PTPRN2: variants seen among roughly 807,000 people sequenced by gnomAD.
The protein encoded by PTPRN2 is receptor-type tyrosine-protein phosphatase N2.
In PTPRN2, 74 loss-of-function variants were observed where a neutral mutation model predicts 118.8. That is an observed-to-expected ratio of 0.62 (90% CI 0.52 to 0.76). PTPRN2 has a LOEUF of 0.76. Ranked by LOEUF, PTPRN2 falls within the 30% of genes least tolerant of loss-of-function variation. PTPRN2 has a pLI of 0.00. For synonymous variants in PTPRN2, 641 were observed against 608.0 expected, an observed-to-expected ratio of 1.05 and a Z score of -0.80; for missense variants, 1,481 against 1,394.4, an observed-to-expected ratio of 1.06 and a Z score of -0.99.
At chr7:158,490,344 G>A (rs1821355567) in intron 1 of PTPRN2, among the ~76,000 whole-genome samples, 1 of 152,200 alleles carries the variant, frequency 6.6e-6, no homozygotes, top group South Asian at 2.1e-4. Flanking sequence ...AGACGAAGAC[G>A]GGCAGGAAAG....
intron 2 of PTPRN2, among the ~76,000 whole-genome samples, chr7:158,410,278 C>T (rs1206918103): frequency 6.6e-6 from 1 of 152,204 alleles, no homozygotes; most frequent in African/African-American, 2.4e-5. Context: ...CAACCTAACA[C>T]GACACTCAGG....
intron 8 of PTPRN2, 94 bp downstream of exon 8, chr7:158,136,561 A>AC (rs1232803050): frequency 4.7e-6 from 6 of 1,286,638 alleles, no homozygotes; most frequent in African/African-American, 3.0e-5. Context: ...TGGGAAAAAA[A>AC]CTTTTGTATT....
At chr7:157,555,069 C>A (rs1478479034) in intron 21 of PTPRN2, among the ~76,000 whole-genome samples, 1 of 149,496 alleles carries the variant, frequency 6.7e-6, no homozygotes, top group Non-Finnish European at 1.5e-5. Context: ...GGAAGACCCA[C>A]CTCTCTCGTG....
intron 14 of PTPRN2, among the ~76,000 whole-genome samples, chr7:157,652,299 T>C (rs1638024): frequency 0.38 from 57,829 of 152,016 alleles, 11,554 homozygotes; most frequent in Middle Eastern, 0.48. Context: ...ACAGGTGAGG[T>C]CTCAGGATGG....
chr7:157,672,294 C>T (rs543809833), intron 13 of PTPRN2, among the ~76,000 whole-genome samples: 5 of 152,248 alleles, frequency 3.3e-5, no homozygotes, highest in South Asian at 4.1e-4. Context: ...TAGACTTTCC[C>T]CTTCACATTT....
chr7:157,870,566 A>C (rs1195666669), intron 12 of PTPRN2, among the ~76,000 whole-genome samples: 1 of 152,232 alleles, frequency 6.6e-6, no homozygotes, highest in Non-Finnish European at 1.5e-5. Flanking sequence ...TCCTAGCCTT[A>C]AACTAGATCC....
At chr7:158,084,335 G>A (rs1447825848) in intron 10 of PTPRN2, among the ~76,000 whole-genome samples, 1 of 150,616 alleles carries the variant, frequency 6.6e-6, no homozygotes, top group African/African-American at 2.4e-5. Context: ...TGAGTGCTGT[G>A]TGGTCCAGGT....
rs1300194345 is a variant in PTPRN2, at chr7:157,990,180, G to A, written c.1723+91118C>T. On this transcript the variant is annotated intron_variant, in intron 11 of 22. Coordinates refer to ENST00000389418, the MANE Select transcript of PTPRN2 (RefSeq NM_002847.5). This position sits in a 1 kb window ranked among gnomAD's most constrained non-coding sequence, Gnocchi z 4.3. ...GGGACACGAGTTAATGTGAGTGCGA[G>A]CCCAGGGCAGAGCGGGCCCAGATAA... is the stretch of plus-strand genomic sequence containing the variant. Among the ~76,000 whole-genome samples, 1 of 151,930 alleles carries A rather than the reference G, an allele frequency of 6.6e-6. No individual in the cohort carries two copies. Among genetic ancestry groups the A allele is most frequent in the Non-Finnish European group, 1.5e-5 (1 of 68,014 alleles).
At chr7:158,420,018 C>T (rs956758274) in intron 2 of PTPRN2, among the ~76,000 whole-genome samples, 4 of 152,162 alleles carry the variant, frequency 2.6e-5, no homozygotes, top group African/African-American at 9.7e-5. Flanking sequence ...GCCACTGTTA[C>T]AATCTTGTGC....
At chr7:158,181,349 G>A (rs957622275) in intron 5 of PTPRN2, among the ~76,000 whole-genome samples, 3 of 152,086 alleles carry the variant, frequency 2.0e-5, no homozygotes, top group Non-Finnish European at 4.4e-5. Context: ...CTAGTATTTC[G>A]TAGAGGGTTT....
chr7:158,028,428 G>A (rs577733174), intron 11 of PTPRN2: 23 of 152,506 alleles, frequency 1.5e-4, no homozygotes, highest in Admixed American at 1.4e-3. Context: ...TTTCCCTCCT[G>A]AATCTAGGAC....
At chr7:157,608,933 G>A (rs1033997130) in intron 15 of PTPRN2, among the ~76,000 whole-genome samples, 1 of 152,200 alleles carries the variant, frequency 6.6e-6, no homozygotes, top group Admixed American at 6.5e-5. Flanking sequence ...CGTAGTCTGA[G>A]AATTTACTGA....
chr7:158,494,072 A>G (rs1821651375), intron 1 of PTPRN2, among the ~76,000 whole-genome samples: 1 of 152,252 alleles, frequency 6.6e-6, no homozygotes, highest in South Asian at 2.1e-4. Context: ...GCAAGGAGTC[A>G]GGCTGGATCT....
rs76381878 is a variant in PTPRN2 at position 158,079,084 on chromosome 7, C to T, written c.1723+2214G>A. ...TCTTGAACTCCCAACCTCAAGTGAC[C>T]CGCCCACCTTGGCCTCCTAAAATGC... On this transcript the variant is annotated intron_variant, in intron 11 of 22. Transcript: ENST00000389418. 3.8e-3 allele frequency among the ~76,000 whole-genome samples: 576 copies of T among 152,248 alleles called. 9 individuals carry two copies. In the East Asian group the frequency reaches 0.039, roughly 10 times the overall value.
At chr7:157,731,258 T>G (rs1799882923) in intron 12 of PTPRN2, among the ~76,000 whole-genome samples, 1 of 152,154 alleles carries the variant, frequency 6.6e-6, no homozygotes, top group African/African-American at 2.4e-5. Context: ...GTAATCGAGG[T>G]GCCTTCCTGA....
chr7:158,405,607 A>G (rs1563252049), intron 2 of PTPRN2, among the ~76,000 whole-genome samples: 1 of 152,268 alleles, frequency 6.6e-6, no homozygotes, highest in Non-Finnish European at 1.5e-5. Context: ...CGATTTATCC[A>G]GTTATGTGGT....
intron 17 of PTPRN2, among the ~76,000 whole-genome samples, chr7:157,579,094 T>C (rs1189623072): frequency 1.3e-5 from 2 of 152,242 alleles, no homozygotes; most frequent in Admixed American, 1.3e-4. Flanking sequence ...ATCCCAAATA[T>C]AAAATGCTGT....
chr7:158,149,787 G>C (rs1208760393), intron 6 of PTPRN2, among the ~76,000 whole-genome samples: 7 of 143,582 alleles, frequency 4.9e-5, no homozygotes, highest in Non-Finnish European at 1.1e-4. Context: ...CTGAGTGACA[G>C]AGCAAGAGTC....
At chr7:157,954,919 C>T (rs1801089999) in intron 11 of PTPRN2, among the ~76,000 whole-genome samples, 1 of 152,168 alleles carries the variant, frequency 6.6e-6, no homozygotes, top group Admixed American at 6.5e-5. Context: ...GAATAATAAA[C>T]CGAAATACTA....
Sources: allele counts gnomAD v4.1 joint callset (sites outside exome capture counted in the v4.1 genomes callset), GRCh38; gene constraint gnomAD v4.1.1; non-coding constraint Gnocchi (gnomAD v3.1); transcripts MANE v1.5; gene names NCBI Gene and HGNC (gene_info 2026-07-23, HGNC 2026-07-21).